The following ANKS1B variants were observed in gnomAD, a reference collection of about 807,000 sequenced individuals.
ANKS1B encodes ankyrin repeat and sterile alpha motif domain containing 1B.
A neutral mutation model predicts 148.3 loss-of-function variants in ANKS1B; 36 were observed. The ratio of observed to expected loss-of-function variants is 0.24; its 90% CI spans 0.19 to 0.32. The LOEUF is 0.32. Ranked by LOEUF, ANKS1B falls within the 10% of genes least tolerant of loss-of-function variation. ANKS1B has a pLI of 1.00. For synonymous variants in ANKS1B, 542 were observed against 560.8 expected (o/e 0.97, Z 0.47); for missense variants, 1,157 against 1,542.6 (o/e 0.75, Z 4.19).
chr12:99,930,947 T>C lies in ANKS1B; in HGVS notation c.134+53157A>G, dbSNP rs570018354. ...AGCAAAGACTTGGAACCAACCCAAA[T>C]GTCCAACAATGATAGACTGGATTAA... is the stretch of plus-strand genomic sequence containing the variant. On this transcript the variant is annotated intron_variant, in intron 1 of 26. Coordinates refer to ENST00000683438, the MANE Select transcript of ANKS1B (RefSeq NM_001352186.2). Among the ~76,000 whole-genome samples, 3 of 152,302 alleles carry C rather than the reference T, an allele frequency of 2.0e-5. No individual in the cohort carries two copies. The South Asian group carries it at 6.2e-4, about 32-fold the overall frequency.
chr12:99,565,274 A>G (rs1230904442), intron 9 of ANKS1B, among the ~76,000 whole-genome samples: 2 of 152,190 alleles, frequency 1.3e-5, no homozygotes, highest in African/African-American at 4.8e-5. Flanking sequence ...AAATGGCATC[A>G]ACTAAATTAG....
chr12:99,891,214 GT>G (rs2093086140), intron 1 of ANKS1B, among the ~76,000 whole-genome samples: 1 of 152,160 alleles, frequency 6.6e-6, no homozygotes, highest in Admixed American at 6.5e-5. Flanking sequence ...TTCCAAAGTG[GT>G]TGCACCATTT....
intron 15 of ANKS1B, among the ~76,000 whole-genome samples, chr12:99,095,026 TGG>T (rs10543431): frequency 0.66 from 99,276 of 149,634 alleles, 32,800 homozygotes; most frequent in East Asian, 0.89. Flanking sequence ...TGGGTCTCAC[TGG>T]GGGGGGGGTC....
At chr12:99,513,205 T>C in intron 9 of ANKS1B, among the ~76,000 whole-genome samples, 1 of 152,020 alleles carries the variant, frequency 6.6e-6, no homozygotes, top group Non-Finnish European at 1.5e-5. Flanking sequence ...GTTTTAGTAA[T>C]AAAGTATTTT....
intron 17 of ANKS1B, among the ~76,000 whole-genome samples, chr12:98,958,123 T>G (rs369678242): frequency 9.8e-5 from 15 of 152,320 alleles, no homozygotes; most frequent in African/African-American, 3.6e-4. Context: ...TCACTTTAAT[T>G]GCAATCTCTA....
At chr12:99,899,690 T>G (rs945658193) in intron 1 of ANKS1B, among the ~76,000 whole-genome samples, 27 of 152,156 alleles carry the variant, frequency 1.8e-4, no homozygotes, top group African/African-American at 6.3e-4. Context: ...TCAGGATTAT[T>G]TGTAGACAAT....
At chr12:99,501,049 G>A (rs1202955725) in intron 10 of ANKS1B, among the ~76,000 whole-genome samples, 3 of 151,636 alleles carry the variant, frequency 2.0e-5, no homozygotes, top group African/African-American at 4.9e-5. Flanking sequence ...AATTGCATGT[G>A]TGTATGTGTA....
chr12:98,754,315 A>C (rs1365242152), intron 25 of ANKS1B, among the ~76,000 whole-genome samples: 7 of 152,220 alleles, frequency 4.6e-5, no homozygotes, highest in Admixed American at 6.5e-5. Flanking sequence ...CCATCACTGC[A>C]CAAAGAGGGC....
intron 15 of ANKS1B, among the ~76,000 whole-genome samples, chr12:99,095,487 T>A (rs1181058958): frequency 6.6e-6 from 1 of 152,170 alleles, no homozygotes; most frequent in African/African-American, 2.4e-5. Flanking sequence ...GGGCCCACAG[T>A]CCTTGGACCT....
At chr12:99,402,369 G>A (rs149048311) in intron 11 of ANKS1B, among the ~76,000 whole-genome samples, 5,122 of 145,672 alleles carry the variant, frequency 0.035, 643 homozygotes, top group Non-Finnish European at 0.055. Context: ...TTGTTACATA[G>A]GTAAAGGTGT....
At chr12:99,896,427 A>T (rs7132533) in intron 1 of ANKS1B, among the ~76,000 whole-genome samples, 35,034 of 150,910 alleles carry the variant, frequency 0.23, 5,128 homozygotes, top group Non-Finnish European at 0.26. Flanking sequence ...AATGGCAGTA[A>T]CTCCTTCTTT....
intron 17 of ANKS1B, among the ~76,000 whole-genome samples, chr12:98,926,063 G>T (rs1224166099): frequency 1.3e-5 from 2 of 152,144 alleles, no homozygotes; most frequent in African/African-American, 4.8e-5. Flanking sequence ...ACAGGGCTGT[G>T]CACGTTCCCA....
At chr12:98,861,936 A>C (rs574013256) in intron 17 of ANKS1B, among the ~76,000 whole-genome samples, 1 of 152,100 alleles carries the variant, frequency 6.6e-6, no homozygotes, top group Non-Finnish European at 1.5e-5. Context: ...TTTTGGGGTG[A>C]GTGTTCTCTT....
chr12:98,743,177 G>A (rs1335157329), downstream of ANKS1B, among the ~76,000 whole-genome samples: 1 of 152,102 alleles, frequency 6.6e-6, no homozygotes, highest in Admixed American at 6.5e-5. Context: ...TTGGCCACGT[G>A]TTCCTTTATC....
intron 11 of ANKS1B, among the ~76,000 whole-genome samples, chr12:99,428,365 G>A (rs1248161906): frequency 1.3e-5 from 2 of 152,160 alleles, no homozygotes; most frequent in Non-Finnish European, 1.5e-5. Context: ...CTGGCATGCG[G>A]TATCAGAGCC....
intron 10 of ANKS1B, among the ~76,000 whole-genome samples, chr12:99,496,433 C>T (rs149233530): frequency 6.6e-6 from 1 of 152,262 alleles, no homozygotes; most frequent in East Asian, 1.9e-4. Flanking sequence ...TAAACAAGGT[C>T]TTTAGCTTGA....
At chr12:99,333,498 G>C (rs771452019) in intron 12 of ANKS1B, among the ~76,000 whole-genome samples, 1 of 151,812 alleles carries the variant, frequency 6.6e-6, no homozygotes, top group African/African-American at 2.4e-5. Flanking sequence ...ACCAATCACT[G>C]GGTGAGATAC....
chr12:99,982,131 G>A (rs957564387), intron 1 of ANKS1B, among the ~76,000 whole-genome samples: 6 of 151,972 alleles, frequency 3.9e-5, no homozygotes, highest in Non-Finnish European at 7.4e-5. Flanking sequence ...AACTTGGTTC[G>A]AAGTACTCTA....
intron 1 of ANKS1B, among the ~76,000 whole-genome samples, chr12:99,916,368 T>C (rs988246148): frequency 1.8e-4 from 27 of 152,152 alleles, no homozygotes; most frequent in African/African-American, 6.3e-4. Context: ...TACCAGGGTA[T>C]CCAAAATAGC....
Sources: gnomAD v4.1 joint callset for allele counts (sites outside exome capture counted in the v4.1 genomes callset) on GRCh38, gnomAD v4.1.1 for gene constraint, MANE v1.5 for transcripts, NCBI Gene and HGNC (gene_info 2026-07-23, HGNC 2026-07-21) for gene names.